CYP11B2: variants seen among roughly 807,000 people sequenced by gnomAD.
CYP11B2 encodes cytochrome P450 11B2, mitochondrial.
In CYP11B2, 38 loss-of-function variants were observed where a neutral mutation model predicts 49.3. The ratio of observed to expected loss-of-function variants is 0.77; its 90% CI spans 0.59 to 1.01. The LOEUF is 1.01. Among genes scored for constraint, CYP11B2 ranks in the 50% least tolerant of loss-of-function variants. CYP11B2 has a pLI of 0.00. For synonymous variants in CYP11B2, 290 were observed against 269.3 expected (o/e 1.08, Z -0.75); for missense variants, 669 against 655.5 (o/e 1.02, Z -0.23).
Position 142,911,844 on chromosome 8 carries a change from A to T in CYP11B2, c.*136T>A. 3 of 1,345,628 alleles carry T rather than the reference A, an allele frequency of 2.2e-6. No homozygotes were observed. The highest frequency in any genetic ancestry group is 3.1e-6 in the Non-Finnish European group (3 of 974,216). The allele number at this position is 1,345,628 out of a possible 1,614,324, so 83.4% of individuals were successfully genotyped here. On this transcript the variant is annotated 3_prime_UTR_variant, in exon 9 of 9. Transcript: ENST00000323110. ...AGCCCCAGTCCTGGAGGCCCTGGGG[A>T]GTTCCATTTGTGCAGGAGCTGGCTG...
At chr8:142,916,094 G>A (rs113909647) in intron 2 of CYP11B2, among the ~76,000 whole-genome samples, 2 of 59,376 alleles carry the variant, frequency 3.4e-5, no homozygotes, top group Admixed American at 4.0e-4. Context: ...ACACAGACAC[G>A]TGCACACACT....
intron 1 of CYP11B2, 32 bp from the exon 2 acceptor site, chr8:142,917,246 G>T (rs13276226): frequency 1.2e-6 from 2 of 1,611,432 alleles, no homozygotes; most frequent in Non-Finnish European, 1.7e-6. Context: ...CCTGCTGGAC[G>T]GGGTCATGTC....
Position 142,917,152 on chromosome 8 carries a change from TGCA to T in CYP11B2, c.299_301del (p.Leu100del). ...GCAGGGATGCAGGCTGTCCACCTGT[TGCA>T]GCTTCTCCACATCCTCCGGCAGCAT... On this transcript the variant is annotated inframe_deletion, in exon 2 of 9. Coordinates refer to ENST00000323110, the MANE Select transcript of CYP11B2 (RefSeq NM_000498.3). The T allele has an allele frequency of 6.2e-7, 1 of 1,614,184 alleles. No homozygotes were observed. Among genetic ancestry groups the T allele is most frequent in the Non-Finnish European group, 8.5e-7 (1 of 1,180,036 alleles).
Position 142,911,422 on chromosome 8 carries a change from T to C in CYP11B2, c.*558A>G, listed in dbSNP as rs1817532498. On this transcript the variant is annotated 3_prime_UTR_variant, in exon 9 of 9. Coordinates refer to ENST00000323110, the MANE Select transcript of CYP11B2 (RefSeq NM_000498.3). Reference sequence around the variant, plus strand: ...CAGGATAAGTGACCACAGGGGCCTTTTTAGTCTACCCTGCAGGATCGTATT... The same window carrying C: ...CAGGATAAGTGACCACAGGGGCCTTCTTAGTCTACCCTGCAGGATCGTATT... 1 of 157,424 alleles carries C rather than the reference T, an allele frequency of 6.4e-6. No individual in the cohort carries two copies. Among genetic ancestry groups the C allele is most frequent in the Non-Finnish European group, 1.4e-5 (1 of 71,082 alleles). 9.8% of individuals were successfully genotyped at this position (157,424 alleles called of 1,614,324 possible).
rs145361619 is a variant in CYP11B2 at position 142,912,340 on chromosome 8, T to A, written c.1398+190A>T. On this transcript the variant is annotated intron_variant, in intron 8 of 8. Coordinates refer to ENST00000323110, the MANE Select transcript of CYP11B2 (RefSeq NM_000498.3). ...ACTCCCCTAGTCCCCATTTCAATGT[T>A]TAGAAGCAGCCTCACCCAGATCCTA... Among the ~76,000 whole-genome samples the A allele has an allele frequency of 1.5e-3, 223 of 152,110 alleles. 1 individual carries two copies. In the South Asian group the frequency reaches 0.02, roughly 13 times the overall value.
Position 142,914,246 on chromosome 8 carries a change from G to A in CYP11B2, c.954+18C>T, listed in dbSNP as rs1330225934. 1 of 1,613,988 alleles carries A rather than the reference G, an allele frequency of 6.2e-7. No homozygotes were observed. The highest frequency in any genetic ancestry group is 1.1e-5 in the South Asian group (1 of 91,074). ...CTTGGCATCACCCTCTCTGGGTGGGGCTGGTTGCTGGCCTGACCGTGTCCA... is the reference window on the plus strand; with the variant it reads ...CTTGGCATCACCCTCTCTGGGTGGGACTGGTTGCTGGCCTGACCGTGTCCA... On this transcript the variant is annotated intron_variant, in intron 5 of 8. Transcript: ENST00000323110.
rs1343446078 is a variant in CYP11B2, at chr8:142,914,392, G to T, written c.826C>A (p.Gln276Lys). The T allele has an allele frequency of 6.2e-7, 1 of 1,613,274 alleles. No individual in the cohort carries two copies. Among genetic ancestry groups the T allele is most frequent in the Non-Finnish European group, 8.5e-7 (1 of 1,179,462 alleles). ...YGDNCIQKIY[Q>K]ELAFNRPQHY... ...TGAGGGCGGTTGAAGGCCAGTTCCT[G>T]GTAGATTTTCTGGATACAGTTGTCA... The change falls in exon 5 of 9, where the codon CAG (glutamine) becomes AAG (lysine). Residue 276 changes from glutamine to lysine, a missense_variant. Transcript: ENST00000323110.
Position 142,911,938 on chromosome 8 carries a change from G to A in CYP11B2, c.*42C>T, listed in dbSNP as rs780969042. On this transcript the variant is annotated 3_prime_UTR_variant, in exon 9 of 9. Coordinates refer to ENST00000323110, the MANE Select transcript of CYP11B2 (RefSeq NM_000498.3). ...CAGGTGGCCTGGGGTCAGGCAGAGG[G>A]AAGCTGGTGGCCAGGCTGGGACCCT... The A allele has an allele frequency of 2.5e-6, 4 of 1,613,686 alleles. No homozygotes were observed. The highest frequency in any genetic ancestry group is 3.4e-6 in the Non-Finnish European group (4 of 1,179,760).
intron 4 of CYP11B2, 46 bp from the exon 5 acceptor site, chr8:142,914,464 G>C: frequency 6.4e-7 from 1 of 1,553,954 alleles, no homozygotes; most frequent in Non-Finnish European, 8.8e-7. Flanking sequence ...GTGCTGGGAA[G>C]CATCCTTCAG....
intron 2 of CYP11B2, among the ~76,000 whole-genome samples, chr8:142,916,822 C>T (rs1395342961): frequency 6.6e-6 from 1 of 152,192 alleles, no homozygotes; most frequent in African/African-American, 2.4e-5. Context: ...GCTCATTGCT[C>T]TGCGTCTTCT....
intron 1 of CYP11B2, among the ~76,000 whole-genome samples, 189 bp downstream of exon 1, chr8:142,917,413 G>A (rs1817666724): frequency 6.6e-6 from 1 of 152,196 alleles, no homozygotes; most frequent in Non-Finnish European, 1.5e-5. Flanking sequence ...AGTGAGCTGG[G>A]GTTTTCTCTG....
Position 142,913,275 on chromosome 8 carries a change from C to T in CYP11B2, c.1121+10G>A, listed in dbSNP as rs1316391995. On this transcript the variant is annotated intron_variant, in intron 6 of 8. Coordinates refer to ENST00000323110, the MANE Select transcript of CYP11B2 (RefSeq NM_000498.3). ...GCCAGGGCCACAGGGAGGCCTCAGC[C>T]AGCACCCACCGCAAGGTCTCCTTGA... 2 of 1,612,682 alleles carry T rather than the reference C, an allele frequency of 1.2e-6. No homozygotes were observed. Among genetic ancestry groups the T allele is most frequent in the African/African-American group, 1.3e-5 (1 of 74,834 alleles).
chr8:142,914,332 T>G lies in CYP11B2; in HGVS notation c.886A>C (p.Lys296Gln). 2.5e-6 allele frequency: 4 copies of G among 1,613,978 alleles called. No individual in the cohort carries two copies. The highest frequency in any genetic ancestry group is 1.7e-5 in the Admixed American group (1 of 60,026). The change falls in exon 5 of 9, where the codon AAG becomes CAG. Residue 296 changes from lysine to glutamine, a missense_variant. Transcript: ENST00000323110. ...ATGGCTTCTAGTGACAGTTCCGCCT[T>G]CAACAGGAGCTCCGCCACGATGCCT... ...YTGIVAELLL[K>Q]AELSLEAIKA...
chr8:142,916,973 C>G, intron 2 of CYP11B2, 86 bp downstream of exon 2: 1 of 1,563,428 alleles, frequency 6.4e-7, no homozygotes, highest in Non-Finnish European at 8.7e-7. Flanking sequence ...GGCAGATGTG[C>G]TTTTGGGTCC....
rs772196063 is a variant in CYP11B2 at position 142,912,104 on chromosome 8, G to A, written c.1399-11C>T. 3.7e-6 allele frequency: 6 copies of A among 1,613,952 alleles called. No homozygotes were observed. Among genetic ancestry groups the A allele is most frequent in the South Asian group, 3.3e-5 (3 of 91,078 alleles). ...GAAGTGCTTCAGCACCTAGGACAGA[G>A]GCTGGGTTTCCATCTGGCCTGGTCA... is the stretch of plus-strand genomic sequence containing the variant. On this transcript the variant is annotated splice_polypyrimidine_tract_variant and intron_variant, in intron 8 of 8. Coordinates refer to ENST00000323110, the MANE Select transcript of CYP11B2 (RefSeq NM_000498.3).
chr8:142,915,974 C>T (rs1420483892), intron 2 of CYP11B2, among the ~76,000 whole-genome samples: 1 of 152,226 alleles, frequency 6.6e-6, no homozygotes, highest in African/African-American at 2.4e-5. Context: ...GACCTCAACA[C>T]CATGTGTGAA....
intron 2 of CYP11B2, among the ~76,000 whole-genome samples, chr8:142,916,039 GCACA>G (rs916080273): frequency 2.6e-5 from 4 of 151,966 alleles, no homozygotes; most frequent in Non-Finnish European, 4.4e-5. Context: ...ACCTGCACAT[GCACA>G]CACACAGACA....
chr8:142,913,860 C>T (rs1817585921), intron 5 of CYP11B2: 2 of 476,290 alleles, frequency 4.2e-6, no homozygotes, highest in Non-Finnish European at 8.2e-6. Flanking sequence ...CCTGCCCTCC[C>T]ATGCATCTAC....
rs61757296 is a variant in CYP11B2 at position 142,913,222 on chromosome 8, C to G, written c.1121+63G>C. On this transcript the variant is annotated intron_variant, in intron 6 of 8. Coordinates refer to ENST00000323110, the MANE Select transcript of CYP11B2 (RefSeq NM_000498.3). The stretch of plus-strand genomic sequence containing the variant: ...CAGCCCCAGATTCTGTCTGCCACCA[C>G]CCAGTGGGGGCTGCTCTCCAGCAGG... 44,786 of 1,574,204 alleles carry G rather than the reference C, an allele frequency of 0.028. 4,634 individuals carry two copies. The African/African-American group carries it at 0.34, about 12-fold the overall frequency.
Sources: gnomAD v4.1 joint callset for allele counts (sites outside exome capture counted in the v4.1 genomes callset) on GRCh38, gnomAD v4.1.1 for gene constraint, MANE v1.5 for transcripts, NCBI Gene and HGNC (gene_info 2026-07-23, HGNC 2026-07-21) for gene names.